The following PABPC4L variants were observed in gnomAD, a reference collection of about 807,000 sequenced individuals.
The protein encoded by PABPC4L is poly(A) binding protein cytoplasmic 4 like.
For missense variants in PABPC4L, 452 were observed against 451.4 expected (o/e 1.00, Z -0.01); for synonymous variants, 169 against 164.1 (o/e 1.03, Z -0.23).
the PABPC4L span, among the ~76,000 whole-genome samples, chr4:133,992,143 T>C: frequency 6.6e-5 from 10 of 152,184 alleles, no homozygotes; most frequent in Non-Finnish European, 1.3e-4. Flanking sequence ...GGGAATGGGA[T>C]GTGGCTATGA....
At chr4:134,132,881 A>T in the PABPC4L span, among the ~76,000 whole-genome samples, 1 of 147,068 alleles carries the variant, frequency 6.8e-6, no homozygotes, top group East Asian at 2.0e-4. Context: ...TATTTTATAT[A>T]AATGTATTAA....
the PABPC4L span, among the ~76,000 whole-genome samples, chr4:134,016,742 T>C: frequency 6.6e-6 from 1 of 152,144 alleles, no homozygotes; most frequent in African/African-American, 2.4e-5. Context: ...AGCCCGTCTC[T>C]TAGAACCTCT....
chr4:133,997,462 G>T, the PABPC4L span, among the ~76,000 whole-genome samples: 1 of 151,470 alleles, frequency 6.6e-6, no homozygotes, highest in Non-Finnish European at 1.5e-5. Flanking sequence ...TGCAAATCAT[G>T]GATCAAGGAG....
chr4:134,189,216 G>A, the PABPC4L span, among the ~76,000 whole-genome samples: 4 of 151,892 alleles, frequency 2.6e-5, no homozygotes, highest in Admixed American at 6.6e-5. Context: ...TTTTCCATTA[G>A]AGCCCTTAAC....
At chr4:133,963,204 C>T in the PABPC4L span, among the ~76,000 whole-genome samples, 1 of 151,912 alleles carries the variant, frequency 6.6e-6, no homozygotes, top group African/African-American at 2.4e-5. Context: ...TTATATCAGA[C>T]AAAACAAACT....
At chr4:134,057,218 TATAGTC>T in the PABPC4L span, among the ~76,000 whole-genome samples, 31 of 152,226 alleles carry the variant, frequency 2.0e-4, no homozygotes, top group African/African-American at 7.2e-4. Context: ...TATCTTCTGT[TATAGTC>T]AGAGAAGCCT....
chr4:134,178,071 C>T, the PABPC4L span, among the ~76,000 whole-genome samples: 3 of 152,210 alleles, frequency 2.0e-5, 1 homozygote, highest in South Asian at 6.2e-4. Context: ...GCTTCCAGCC[C>T]AGTGGTCCTA....
chr4:134,032,367 G>C, the PABPC4L span, among the ~76,000 whole-genome samples: 1 of 151,816 alleles, frequency 6.6e-6, no homozygotes, highest in African/African-American at 2.4e-5. Context: ...GCACAGTGAG[G>C]AGAAGCAGGG....
chr4:134,195,545 A>G (rs1186078542), downstream of PABPC4L, among the ~76,000 whole-genome samples: 1 of 151,868 alleles, frequency 6.6e-6, no homozygotes, highest in Non-Finnish European at 1.5e-5. Context: ...TTTTTAAAAT[A>G]TCTAAGGTGA....
the PABPC4L span, among the ~76,000 whole-genome samples, chr4:134,180,179 A>G: frequency 6.6e-6 from 1 of 152,102 alleles, no homozygotes; most frequent in African/African-American, 2.4e-5. Flanking sequence ...AAAAAACAAA[A>G]TCATACCAAC....
At chr4:134,010,338 T>C in the PABPC4L span, among the ~76,000 whole-genome samples, 1 of 152,104 alleles carries the variant, frequency 6.6e-6, no homozygotes, top group Admixed American at 6.6e-5. Flanking sequence ...GATTTTCCTA[T>C]CAGTGATCAA....
the PABPC4L span, among the ~76,000 whole-genome samples, chr4:134,172,248 G>A: frequency 1.6e-4 from 24 of 152,098 alleles, no homozygotes; most frequent in South Asian, 8.3e-4. Flanking sequence ...GAGACAGCAC[G>A]TCACCCAATT....
At chr4:134,007,982 T>C in the PABPC4L span, among the ~76,000 whole-genome samples, 2 of 151,720 alleles carry the variant, frequency 1.3e-5, no homozygotes, top group African/African-American at 4.8e-5. Context: ...CTAAGATGTG[T>C]AAACTATAAT....
the PABPC4L span, among the ~76,000 whole-genome samples, chr4:133,988,192 C>G: frequency 6.6e-6 from 1 of 152,110 alleles, no homozygotes; most frequent in Non-Finnish European, 1.5e-5. Context: ...CCCTCTAACC[C>G]CTCCCAAATA....
At chr4:134,153,018 A>T in the PABPC4L span, among the ~76,000 whole-genome samples, 1 of 152,140 alleles carries the variant, frequency 6.6e-6, no homozygotes, top group South Asian at 2.1e-4. Context: ...CTCAACTCTC[A>T]CACTAGAAAG....
At chr4:134,168,444 C>CA in the PABPC4L span, among the ~76,000 whole-genome samples, 1 of 149,942 alleles carries the variant, frequency 6.7e-6, no homozygotes, top group East Asian at 2.0e-4. Context: ...GAAATTGAGA[C>CA]AAAAAATACA....
chr4:134,164,361 T>C, the PABPC4L span, among the ~76,000 whole-genome samples: 2 of 151,044 alleles, frequency 1.3e-5, no homozygotes, highest in Non-Finnish European at 2.9e-5. Context: ...AATGATGTGA[T>C]TGGCTACATA....
chr4:134,045,228 T>C, the PABPC4L span, among the ~76,000 whole-genome samples: 1 of 152,150 alleles, frequency 6.6e-6, no homozygotes, highest in Admixed American at 6.6e-5. Flanking sequence ...AATTTTAAAA[T>C]ATTAGTGAAG....
Position 134,200,711 on chromosome 4 carries a change from C to G in PABPC4L, c.309G>C (p.Lys103Asn), listed in dbSNP as rs1729835806. The change falls in exon 2 of 2, where the codon AAG (lysine) becomes AAC (asparagine). Residue 103 changes from lysine to asparagine, a missense_variant. By Grantham distance (94) the Lys-to-Asn change is moderately conservative (BLOSUM62 0). Transcript: ENST00000421491. ...TGTTATCGATAGATTTGTCCAGATT[C>G]TTGATGAATACGTTCCCAATTCCAG... is the stretch of plus-strand genomic sequence containing the variant. ...RRSGIGNVFI[K>N]NLDKSIDNKT... 6.4e-7 allele frequency: 1 copy of G among 1,551,676 alleles called. No homozygotes were observed. The highest frequency in any genetic ancestry group is 8.7e-7 in the Non-Finnish European group (1 of 1,146,970).
Sources: gnomAD v4.1 joint callset for allele counts (sites outside exome capture counted in the v4.1 genomes callset) on GRCh38, gnomAD v4.1.1 for gene constraint, MANE v1.5 for transcripts, NCBI Gene and HGNC (gene_info 2026-07-23, HGNC 2026-07-21) for gene names.